Variants in C10orf71 observed in about 807,000 individuals in gnomAD.
The protein encoded by C10orf71 is chromosome 10 open reading frame 71.
For missense variants in C10orf71, 1,869 were observed against 1,804.5 expected (o/e 1.04, Z -0.65); for synonymous variants, 758 against 726.3 (o/e 1.04, Z -0.70).
At chr10:49,319,723 T>G (rs1199328273) in intron 2 of C10orf71, among the ~76,000 whole-genome samples, 1 of 38,586 alleles carries the variant, frequency 2.6e-5, no homozygotes, top group Non-Finnish European at 6.4e-5. Context: ...TATATATATA[T>G]ATATATATAT....
chr10:49,323,590 TG>T lies in C10orf71; in HGVS notation c.1050del (p.Cys351AlafsTer48). The T allele has an allele frequency of 6.2e-7, 1 of 1,602,426 alleles. No homozygotes were observed. The highest frequency in any genetic ancestry group is 8.5e-7 in the Non-Finnish European group (1 of 1,175,480). On this transcript the variant is annotated frameshift_variant, in exon 3 of 3. Transcript: ENST00000374144. LOFTEE classifies it low-confidence loss of function (END_TRUNC). ...AAGALSTSIPWGCRDPGAQVF... is the reference protein window; with the variant it reads ...AAGALSTSIPXGCRDPGAQVF... ...AGGGGCTCTGTCCACATCTATACCC[TG>T]GGGGTGCAGGGATCCAGGAGCCCAG...
chr10:49,323,980 C>T lies in C10orf71; in HGVS notation c.1435C>T (p.Gln479Ter). 6.2e-7 allele frequency: 1 copy of T among 1,613,580 alleles called. No homozygotes were observed. Among genetic ancestry groups the T allele is most frequent in the Non-Finnish European group, 8.5e-7 (1 of 1,179,712 alleles). The change falls in exon 3 of 3, where the codon CAA becomes TAA. Residue 479 changes from glutamine to a stop codon, truncating the protein, a stop_gained. Coordinates refer to ENST00000374144, the MANE Select transcript of C10orf71 (RefSeq NM_001135196.2). LOFTEE classifies it low-confidence loss of function (END_TRUNC). ...PSPPGQLNGY[Q>*]EKEPSECQSR... ...ACCCCCAGGACAGCTAAACGGATAC[C>T]AAGAGAAGGAGCCCAGTGAATGTCA...
upstream of C10orf71, among the ~76,000 whole-genome samples, chr10:49,298,136 G>C (rs964716849): frequency 2.0e-5 from 3 of 152,250 alleles, no homozygotes; most frequent in African/African-American, 7.2e-5. Context: ...CCAGGCCCCA[G>C]CTTGGGGCTG....
chr10:49,325,966 G>A lies in C10orf71; in HGVS notation c.3421G>A (p.Gly1141Ser). 1 of 1,551,722 alleles carries A rather than the reference G, an allele frequency of 6.4e-7. No individual in the cohort carries two copies. Among genetic ancestry groups the A allele is most frequent in the Admixed American group, 2.0e-5 (1 of 50,998 alleles). The change falls in exon 3 of 3, where the codon GGT becomes AGT. Residue 1141 changes from glycine to serine, a missense_variant. Physicochemically the swap from Gly to Ser is moderately conservative, Grantham distance 56 (BLOSUM62 0). Transcript: ENST00000374144. ...AEDLRTLSPRGSLLDVATSPA... is the reference protein window; with the variant it reads ...AEDLRTLSPRSSLLDVATSPA... ...AGACCTCCGGACCCTCTCTCCAAGA[G>A]GTTCATTGCTGGATGTGGCCACCAG...
intron 1 of C10orf71, among the ~76,000 whole-genome samples, chr10:49,307,371 G>A (rs1188525278): frequency 1.3e-4 from 20 of 152,212 alleles, no homozygotes; most frequent in Non-Finnish European, 2.9e-4. Flanking sequence ...TGCCAGGCCT[G>A]AGCTCCTTCC....
Position 49,327,282 on chromosome 10 carries a change from A to T in C10orf71, c.*429A>T. 3.3e-6 allele frequency: 1 copy of T among 300,008 alleles called. No individual in the cohort carries two copies. The highest frequency in any genetic ancestry group is 7.0e-6 in the Non-Finnish European group (1 of 143,048). The allele number at this position is 300,008 out of a possible 1,614,324, so 18.6% of individuals were successfully genotyped here. ...CACTTGTAAGCTCCTTGATGAGCAA[A>T]CCCCTAAGGCCCCCAGCTCAGACTC... On this transcript the variant is annotated 3_prime_UTR_variant, in exon 3 of 3. Transcript: ENST00000374144.
upstream of C10orf71, among the ~76,000 whole-genome samples, chr10:49,297,432 A>G (rs1848656665): frequency 6.6e-6 from 1 of 152,246 alleles, no homozygotes; most frequent in Non-Finnish European, 1.5e-5. Flanking sequence ...GTTGTTTTCC[A>G]TAAAGTTCTT....
In C10orf71 at chr10:49,322,450, C is replaced by CTCTA; in HGVS notation, c.-95_-92dup. 1 of 1,401,326 alleles carries CTCTA rather than the reference C, an allele frequency of 7.1e-7. No individual in the cohort carries two copies. Among genetic ancestry groups the CTCTA allele is most frequent in the Non-Finnish European group, 9.4e-7 (1 of 1,059,380 alleles). The allele number at this position is 1,401,326 out of a possible 1,614,324, so 86.8% of individuals were successfully genotyped here. The stretch of plus-strand genomic sequence containing the variant: ...GCAATTGCATCTGGTCAATGAGAGG[C>CTCTA]TCTAGTTTTGGGGAAGAGGGAAACA... On this transcript the variant is annotated 5_prime_UTR_variant, in exon 3 of 3. An upstream open reading frame in the 5' UTR gains an earlier in-frame stop. Transcript: ENST00000374144.
rs1302323695 is a variant in C10orf71 at position 49,322,487 on chromosome 10, C to G, written c.-59C>G. The G allele has an allele frequency of 1.6e-5, 24 of 1,501,224 alleles. No individual in the cohort carries two copies. Among genetic ancestry groups the G allele is most frequent in the Non-Finnish European group, 2.1e-5 (24 of 1,121,188 alleles). The allele number at this position is 1,501,224 out of a possible 1,614,324, so 93.0% of individuals were successfully genotyped here. A position where few individuals can be genotyped will look rare whatever the true frequency, so the allele number is the denominator to read the frequency against. On this transcript the variant is annotated 5_prime_UTR_variant, in exon 3 of 3. Coordinates refer to ENST00000374144, the MANE Select transcript of C10orf71 (RefSeq NM_001135196.2). ...GGAAGAGGGAAACACCTAACCTTGA[C>G]AGAATCATCACCAGAGACACCTGCC...
Position 49,322,905 on chromosome 10 carries a change from G to A in C10orf71, c.360G>A (p.Thr120=), listed in dbSNP as rs371477264. 1.5e-5 allele frequency: 24 copies of A among 1,613,848 alleles called. 1 individual carries two copies. Among genetic ancestry groups the A allele is most frequent in the South Asian group, 1.3e-4 (12 of 91,074 alleles). Residue 120 remains threonine, a synonymous_variant, in exon 3 of 3, where the codon ACG becomes ACA. Coordinates refer to ENST00000374144, the MANE Select transcript of C10orf71 (RefSeq NM_001135196.2). ...ACCCCAAAACCAGCCCCCCACCAAC[G>A]CCAGTCCAGAGGAGACTGGAGGTGC... The part of the protein sequence containing the change: ...EKYPKTSPPP[T]PVQRRLEVPV...
At position 49,327,389 on chromosome 10, in the gene C10orf71, T is replaced by C. The variant is rs1184439888; in HGVS notation, c.*536T>C. On this transcript the variant is annotated 3_prime_UTR_variant, in exon 3 of 3. Transcript: ENST00000374144. ...TGCAGAAATGATCATTTGCACAGAA[T>C]GGGTTTCCTTCACAGGGAGAAACTT... is the stretch of plus-strand genomic sequence containing the variant. 1.1e-5 allele frequency: 2 copies of C among 176,456 alleles called. No homozygotes were observed. Among genetic ancestry groups the C allele is most frequent in the Admixed American group, 1.2e-4 (2 of 16,452 alleles). The allele number at this position is 176,456 out of a possible 1,614,324, so 10.9% of individuals were successfully genotyped here.
chr10:49,301,458 C>T (rs937388124), intron 1 of C10orf71, among the ~76,000 whole-genome samples: 3 of 152,108 alleles, frequency 2.0e-5, no homozygotes, highest in South Asian at 2.1e-4. Context: ...TGGGACAGAG[C>T]GGGAAGGACA....
At position 49,325,066 on chromosome 10, in the gene C10orf71, CTT is replaced by C; in HGVS notation, c.2522_2523del (p.Leu841HisfsTer17). 6.4e-7 allele frequency: 1 copy of C among 1,551,790 alleles called. No individual in the cohort carries two copies. The highest frequency in any genetic ancestry group is 8.7e-7 in the Non-Finnish European group (1 of 1,147,054). On this transcript the variant is annotated frameshift_variant, in exon 3 of 3. Transcript: ENST00000374144. LOFTEE classifies it low-confidence loss of function (END_TRUNC). ...KGTTFSQAKD[L>X]TPSPSSASNR... ...CACAACCTTTTCACAGGCCAAAGAC[CTT>C]ACTCCCTCACCATCTTCTGCTTCAA...
intron 1 of C10orf71, among the ~76,000 whole-genome samples, chr10:49,308,911 C>T (rs1564684084): frequency 1.3e-5 from 2 of 152,186 alleles, no homozygotes; most frequent in Admixed American, 6.5e-5. Flanking sequence ...CAACCTGGGG[C>T]CAGAGAGCAG....
At chr10:49,297,727 C>T (rs991155041), upstream of C10orf71, among the ~76,000 whole-genome samples, 3 of 152,138 alleles carry the variant, frequency 2.0e-5, no homozygotes, top group Non-Finnish European at 4.4e-5. Flanking sequence ...AATAATGGAG[C>T]CAGGGCTCAA....
Position 49,325,727 on chromosome 10 carries a change from C to G in C10orf71, c.3182C>G (p.Ser1061Cys). ...AGGGCGAATTCCCCCAACCCCGGCT[C>G]CCCCGGGGAGAGCAGTGCCTGCTCC... The part of the protein sequence containing the change: ...SERANSPNPG[S>C]PGESSACSPA... The change falls in exon 3 of 3, where the codon TCC (serine) becomes TGC (cysteine). Residue 1061 changes from serine to cysteine, a missense_variant. Physicochemically the swap from Ser to Cys is moderately radical, Grantham distance 112. Transcript: ENST00000374144. The G allele has an allele frequency of 3.2e-6, 5 of 1,550,776 alleles. No individual in the cohort carries two copies. The highest frequency in any genetic ancestry group is 4.4e-6 in the Non-Finnish European group (5 of 1,146,254).
At chr10:49,297,951 C>G (rs1383161394), upstream of C10orf71, among the ~76,000 whole-genome samples, 4 of 152,224 alleles carry the variant, frequency 2.6e-5, no homozygotes, top group Non-Finnish European at 5.9e-5. Context: ...GGGCAAAAGG[C>G]AAGTCTTGAG....
Position 49,325,940 on chromosome 10 carries a change from A to G in C10orf71, c.3395A>G (p.Glu1132Gly), listed in dbSNP as rs1460853550. The change falls in exon 3 of 3, where the codon GAA becomes GGA. Residue 1132 changes from glutamate (E) to glycine (G), a missense_variant. Coordinates refer to ENST00000374144, the MANE Select transcript of C10orf71 (RefSeq NM_001135196.2). ...GACCCCCTACTTGAGCTGTCGGCAG[A>G]AGACCTCCGGACCCTCTCTCCAAGA... ...GSDPLLELSA[E>G]DLRTLSPRGS... 1.3e-6 allele frequency: 2 copies of G among 1,551,426 alleles called. No individual in the cohort carries two copies. The highest frequency in any genetic ancestry group is 1.7e-6 in the Non-Finnish European group (2 of 1,146,914).
rs765309691 is a variant in C10orf71 at position 49,323,549 on chromosome 10, A to C, written c.1004A>C (p.Glu335Ala). 57 of 1,608,562 alleles carry C rather than the reference A, an allele frequency of 3.5e-5. 2 individuals carry two copies. The Admixed American group carries it at 9.4e-4, about 27-fold the overall frequency. Reference protein sequence around the residue: ...CQVQASCSQEENRLAAGALST... With the variant: ...CQVQASCSQEANRLAAGALST... ...GTCCAGGCCAGCTGCAGTCAGGAAGAGAACAGACTTGCAGCAGGGGCTCTG... is the reference window on the plus strand; with the variant it reads ...GTCCAGGCCAGCTGCAGTCAGGAAGCGAACAGACTTGCAGCAGGGGCTCTG... The change falls in exon 3 of 3, where the codon GAG becomes GCG. Residue 335 changes from glutamate to alanine, a missense_variant. Glu to Ala is a moderately radical substitution (Grantham distance 107). Transcript: ENST00000374144.
Sources: allele counts gnomAD v4.1 joint callset (sites outside exome capture counted in the v4.1 genomes callset), GRCh38; gene constraint gnomAD v4.1.1; transcripts MANE v1.5; gene names NCBI Gene and HGNC (gene_info 2026-07-23, HGNC 2026-07-21).